Variants in FUCA1 observed in about 807,000 individuals in gnomAD.
The protein encoded by FUCA1 is alpha-L-fucosidase 1.
A neutral mutation model predicts 56.8 loss-of-function variants in FUCA1; 52 were observed. The ratio of observed to expected loss-of-function variants is 0.92; its 90% CI spans 0.73 to 1.15. The LOEUF (loss-of-function observed/expected upper bound fraction) is 1.15, where lower values mean the gene tolerates loss of function less well. Ranked by LOEUF, FUCA1 falls within the 50% of genes most tolerant of loss-of-function variation. The pLI is 0.00. For synonymous variants in FUCA1, 230 were observed against 226.6 expected (o/e 1.02, Z -0.14); for missense variants, 568 against 592.6 (o/e 0.96, Z 0.43).
At chr1:23,866,722 T>C (rs1639631270) in intron 1 of FUCA1, among the ~76,000 whole-genome samples, 1 of 152,156 alleles carries the variant, frequency 6.6e-6, no homozygotes, top group African/African-American at 2.4e-5. Context: ...CCTGGTGCAG[T>C]GGAAACAACC....
rs1639651354 is a variant in FUCA1, at chr1:23,867,603, T to C, written c.389+295A>G. On this transcript the variant is annotated intron_variant, in intron 1 of 7. Transcript: ENST00000374479. The surrounding 1 kb of genome is among the most constrained non-coding windows in gnomAD (Gnocchi z 4.9). ...CCTGGAGTCCTGATAGTGCTGTCAA[T>C]CTGAAAGGGACATCAGGTATGGCCT... The C allele has an allele frequency of 2.1e-6, 1 of 487,250 alleles. No individual in the cohort carries two copies. The highest frequency in any genetic ancestry group is 2.1e-5 in the African/African-American group (1 of 47,638). 30.2% of individuals were successfully genotyped at this position (487,250 alleles called of 1,614,324 possible). A position where few individuals can be genotyped will look rare whatever the true frequency, so the allele number is the denominator to read the frequency against.
Position 23,845,249 on chromosome 1 carries a change from C to G in FUCA1, c.*466G>C. Reference sequence around the variant, plus strand: ...GAGTTGACCATAGCAGCCTGGTAAGCCTTTTCCTTTCCCCCAAAGCTCTCC... The same window carrying G: ...GAGTTGACCATAGCAGCCTGGTAAGGCTTTTCCTTTCCCCCAAAGCTCTCC... On this transcript the variant is annotated 3_prime_UTR_variant, in exon 8 of 8. Coordinates refer to ENST00000374479, the MANE Select transcript of FUCA1 (RefSeq NM_000147.5). The G allele has an allele frequency of 4.5e-6, 1 of 222,266 alleles. No individual in the cohort carries two copies. Among genetic ancestry groups the G allele is most frequent in the South Asian group, 7.1e-5 (1 of 14,176 alleles). 13.8% of individuals were successfully genotyped at this position (222,266 alleles called of 1,614,324 possible). A position where few individuals can be genotyped will look rare whatever the true frequency, so the allele number is the denominator to read the frequency against.
At chr1:23,849,524 T>C (rs1325206236) in intron 5 of FUCA1, among the ~76,000 whole-genome samples, 3 of 151,236 alleles carry the variant, frequency 2.0e-5, no homozygotes, top group African/African-American at 4.9e-5. Context: ...CATTGGGCTA[T>C]ATAAATGAAC....
intron 2 of FUCA1, 36 bp downstream of exon 2, chr1:23,865,454 CA>C: frequency 6.2e-7 from 1 of 1,613,874 alleles, no homozygotes; most frequent in Non-Finnish European, 8.5e-7. Context: ...CAGCCAGATC[CA>C]AAGAGATAAC....
chr1:23,860,755 C>A (rs1639493444), intron 3 of FUCA1, among the ~76,000 whole-genome samples: 1 of 151,298 alleles, frequency 6.6e-6, no homozygotes, highest in Non-Finnish European at 1.5e-5. Context: ...TCTTGCACTT[C>A]AGCCACCCAA....
At chr1:23,851,007 G>C (rs1639244393) in intron 5 of FUCA1, among the ~76,000 whole-genome samples, 1 of 151,808 alleles carries the variant, frequency 6.6e-6, no homozygotes, top group Non-Finnish European at 1.5e-5. Context: ...TTGAACTCCT[G>C]GCCTCAAAGG....
intron 1 of FUCA1, among the ~76,000 whole-genome samples, chr1:23,866,371 G>A (rs931090362): frequency 2.0e-5 from 3 of 152,220 alleles, no homozygotes; most frequent in East Asian, 1.9e-4. Context: ...GGTTTACCAA[G>A]CCTACATAAA....
intron 4 of FUCA1, among the ~76,000 whole-genome samples, chr1:23,858,484 A>G (rs1262934052): frequency 2.6e-5 from 4 of 152,230 alleles, no homozygotes; most frequent in Non-Finnish European, 2.9e-5. Flanking sequence ...GAAATTTGCT[A>G]CAGTGAAGAT....
intron 5 of FUCA1, among the ~76,000 whole-genome samples, chr1:23,853,666 T>G: frequency 6.7e-6 from 1 of 150,374 alleles, no homozygotes; most frequent in Non-Finnish European, 1.5e-5. Flanking sequence ...ATGGTTGCCG[T>G]GTCTGTGTAG....
Position 23,868,200 on chromosome 1 carries a change from A to C in FUCA1, c.87T>G (p.Arg29=). 4 of 1,598,282 alleles carry C rather than the reference A, an allele frequency of 2.5e-6. No individual in the cohort carries two copies. Among genetic ancestry groups the C allele is most frequent in the Non-Finnish European group, 3.4e-6 (4 of 1,173,498 alleles). ...LLFLGAAESV[R]RAQPPRRYTP... is the part of the protein sequence containing the mutation. ...TGTAGCGGCGCGGAGGCTGGGCCCGACGCACCGACTCGGCCGCTCCGAGGA... is the reference window on the plus strand; with the variant it reads ...TGTAGCGGCGCGGAGGCTGGGCCCGCCGCACCGACTCGGCCGCTCCGAGGA... Residue 29 remains arginine (R), a synonymous_variant, in exon 1 of 8, where the codon CGT becomes CGG. Coordinates refer to ENST00000374479, the MANE Select transcript of FUCA1 (RefSeq NM_000147.5).
rs1379908534 is a variant in FUCA1, at chr1:23,848,815, C to G, written c.994G>C (p.Gly332Arg). ...CCAATGTTCAGAAGATAGTTGCCTC[C>G]CAAACTTACTGTCTGAACCAGTTCC... Reference protein sequence around the residue: ...ISELVQTVSLGGNYLLNIGPT... With the variant: ...ISELVQTVSLRGNYLLNIGPT... The change falls in exon 6 of 8, where the codon GGA (glycine) becomes CGA (arginine). Residue 332 changes from glycine (G) to arginine (R), a missense_variant. Gly to Arg is a moderately radical substitution (Grantham distance 125, BLOSUM62 -2). Coordinates refer to ENST00000374479, the MANE Select transcript of FUCA1 (RefSeq NM_000147.5). The G allele has an allele frequency of 6.2e-7, 1 of 1,613,996 alleles. No homozygotes were observed. The highest frequency in any genetic ancestry group is 1.3e-5 in the African/African-American group (1 of 74,920).
At chr1:23,860,793 C>G (rs1639494438) in intron 3 of FUCA1, among the ~76,000 whole-genome samples, 1 of 151,482 alleles carries the variant, frequency 6.6e-6, no homozygotes, top group Non-Finnish European at 1.5e-5. Flanking sequence ...TGTGCACCAC[C>G]ATGCCTGACT....
intron 4 of FUCA1, among the ~76,000 whole-genome samples, chr1:23,856,077 G>T (rs1161592525): frequency 6.6e-6 from 1 of 152,196 alleles, no homozygotes; most frequent in Non-Finnish European, 1.5e-5. Context: ...CCACCTAGTA[G>T]TCAAGGGGTC....
chr1:23,860,633 C>A (rs1281174780), intron 3 of FUCA1, among the ~76,000 whole-genome samples: 2 of 143,848 alleles, frequency 1.4e-5, no homozygotes, highest in African/African-American at 5.0e-5. Context: ...TCCTCCTGAT[C>A]TTTTCCTTTC....
intron 3 of FUCA1, 146 bp downstream of exon 3, chr1:23,862,988 T>C: frequency 1.2e-6 from 1 of 831,118 alleles, no homozygotes; most frequent in Non-Finnish European, 2.0e-6. Context: ...GAACATATTT[T>C]GTCTTAATAC....
At chr1:23,847,764 G>A (rs1639172317) in intron 6 of FUCA1, among the ~76,000 whole-genome samples, 1 of 152,236 alleles carries the variant, frequency 6.6e-6, no homozygotes, top group African/African-American at 2.4e-5. Flanking sequence ...GCTCATGCCT[G>A]TAATCCCAGC....
At chr1:23,861,658 G>A (rs1228888534) in intron 3 of FUCA1, among the ~76,000 whole-genome samples, 1 of 152,190 alleles carries the variant, frequency 6.6e-6, no homozygotes, top group Non-Finnish European at 1.5e-5. Context: ...TATAAGGCAT[G>A]TATGTTGTGT....
At chr1:23,862,044 C>T (rs1639520331) in intron 3 of FUCA1, among the ~76,000 whole-genome samples, 1 of 152,154 alleles carries the variant, frequency 6.6e-6, no homozygotes, top group African/African-American at 2.4e-5. Context: ...GGCAACATAG[C>T]CAAGTACGAT....
At chr1:23,853,348 G>A (rs1639313414) in intron 5 of FUCA1, among the ~76,000 whole-genome samples, 1 of 151,816 alleles carries the variant, frequency 6.6e-6, no homozygotes, top group African/African-American at 2.4e-5. Context: ...GGGAGGTGGG[G>A]GTCAGCCCCC....
Sources: gnomAD v4.1 joint callset for allele counts (sites outside exome capture counted in the v4.1 genomes callset) on GRCh38, gnomAD v4.1.1 for gene constraint, Gnocchi (gnomAD v3.1) non-coding constraint, MANE v1.5 for transcripts, NCBI Gene and HGNC (gene_info 2026-07-23, HGNC 2026-07-21) for gene names.